Variants in TMOD1 observed in about 807,000 individuals in gnomAD.
The protein encoded by TMOD1 is tropomodulin-1.
TMOD1 carries 17 observed loss-of-function variants against 40.6 expected under a neutral mutation model. The ratio of observed to expected loss-of-function variants is 0.42; its 90% CI spans 0.29 to 0.63. The LOEUF is 0.63. TMOD1 is among the 20% of genes least tolerant of loss of function. The probability of loss-of-function intolerance (pLI) is 0.22; values close to 1 mark genes in which losing one functional copy is unlikely to be tolerated. For missense variants in TMOD1, 391 were observed against 447.6 expected (o/e 0.87, Z 1.14); for synonymous variants, 181 against 175.0 (o/e 1.03, Z -0.27).
intron 8 of TMOD1, among the ~76,000 whole-genome samples, chr9:97,575,203 A>G (rs1337472389): frequency 2.6e-5 from 4 of 152,108 alleles, no homozygotes; most frequent in Admixed American, 2.0e-4. Flanking sequence ...GAGACCACGA[A>G]CCCACTGGGA....
rs531854575 is a variant in TMOD1 at position 97,527,810 on chromosome 9, C to T, written c.120+3502C>T. ...GGGTGAGAGGTGGGAGGCGCTCCCG[C>T]GGGGGAATCTCTGCCATTCCCAGGG... On this transcript the variant is annotated intron_variant, in intron 2 of 9. Transcript: ENST00000259365. Among the ~76,000 whole-genome samples the T allele has an allele frequency of 3.7e-3, 565 of 152,266 alleles. 2 individuals are homozygous for T. Among genetic ancestry groups the T allele is most frequent in the Middle Eastern group, 6.8e-3 (2 of 294 alleles).
intron 1 of TMOD1, among the ~76,000 whole-genome samples, chr9:97,510,602 T>C (rs1385913260): frequency 2.0e-5 from 3 of 152,240 alleles, no homozygotes; most frequent in Non-Finnish European, 2.9e-5. Flanking sequence ...GCTAGGCATT[T>C]ATTCATTCAT....
chr9:97,547,232 A>C (rs1830378858), intron 3 of TMOD1, among the ~76,000 whole-genome samples: 1 of 145,564 alleles, frequency 6.9e-6, no homozygotes, highest in African/African-American at 2.6e-5. Context: ...TATCCCCCTC[A>C]TCCCATTGTT....
intron 2 of TMOD1, among the ~76,000 whole-genome samples, chr9:97,533,340 T>G (rs1056408497): frequency 1.3e-5 from 2 of 152,238 alleles, no homozygotes; most frequent in Admixed American, 6.5e-5. Context: ...TGGTCCTTAA[T>G]AAATGTGAGC....
chr9:97,550,303 G>T (rs1310705898), intron 3 of TMOD1, among the ~76,000 whole-genome samples: 1 of 152,122 alleles, frequency 6.6e-6, no homozygotes, highest in Non-Finnish European at 1.5e-5. Flanking sequence ...TCCACCTTCT[G>T]GCTATTGTGA....
At chr9:97,594,749 G>A (rs1390604600) in intron 9 of TMOD1, among the ~76,000 whole-genome samples, 2 of 152,232 alleles carry the variant, frequency 1.3e-5, no homozygotes, top group Non-Finnish European at 2.9e-5. Flanking sequence ...TGAGTGCAGG[G>A]TGCCAGGGAG....
At chr9:97,586,496 A>T (rs373261153) in intron 8 of TMOD1, among the ~76,000 whole-genome samples, 1 of 151,842 alleles carries the variant, frequency 6.6e-6, no homozygotes, top group Non-Finnish European at 1.5e-5. Context: ...GAGCCTACAG[A>T]GGCAGGCAGG....
chr9:97,534,801 C>T (rs1208016051), intron 2 of TMOD1, among the ~76,000 whole-genome samples: 1 of 152,210 alleles, frequency 6.6e-6, no homozygotes, highest in African/African-American at 2.4e-5. Context: ...CAAGAACTGG[C>T]AAGATGCCTA....
At chr9:97,521,423 A>G (rs1229139464) in intron 1 of TMOD1, among the ~76,000 whole-genome samples, 1 of 152,182 alleles carries the variant, frequency 6.6e-6, no homozygotes, top group African/African-American at 2.4e-5. Flanking sequence ...AGTTCTGGAC[A>G]TCTCTGTGAG....
intron 9 of TMOD1, 95 bp downstream of exon 9, chr9:97,591,530 G>T: frequency 2.2e-6 from 3 of 1,388,552 alleles, no homozygotes; most frequent in Non-Finnish European, 3.0e-6. Context: ...ATGCCTCTCC[G>T]AGTCTTCTTG....
chr9:97,584,060 C>T (rs1465858680), intron 8 of TMOD1, among the ~76,000 whole-genome samples: 1 of 149,840 alleles, frequency 6.7e-6, no homozygotes, highest in Non-Finnish European at 1.5e-5. Context: ...AATGTGTTTG[C>T]TCTTGCTTTT....
chr9:97,556,912 C>T (rs1023363635), intron 4 of TMOD1, among the ~76,000 whole-genome samples: 6 of 152,116 alleles, frequency 3.9e-5, no homozygotes, highest in East Asian at 3.9e-4. Flanking sequence ...CCCCTCTGAA[C>T]GGAGTGGCCT....
At chr9:97,554,209 G>A (rs1345447659) in intron 4 of TMOD1, among the ~76,000 whole-genome samples, 11 of 152,084 alleles carry the variant, frequency 7.2e-5, no homozygotes, top group Admixed American at 7.2e-4. Flanking sequence ...GGAAAGGCTC[G>A]AGGCAGGTGG....
At chr9:97,583,487 C>T (rs1300766729) in intron 8 of TMOD1, among the ~76,000 whole-genome samples, 1 of 151,386 alleles carries the variant, frequency 6.6e-6, no homozygotes, top group Non-Finnish European at 1.5e-5. Context: ...CTCTGCCTGG[C>T]TTTGGTATCA....
intron 8 of TMOD1, among the ~76,000 whole-genome samples, chr9:97,572,294 G>C (rs1017819990): frequency 6.6e-6 from 1 of 152,178 alleles, no homozygotes; most frequent in Non-Finnish European, 1.5e-5. Flanking sequence ...CAGAAAGGGG[G>C]TTAGGAGTCG....
chr9:97,505,507 G>A (rs1232288828), intron 1 of TMOD1, among the ~76,000 whole-genome samples: 1 of 152,190 alleles, frequency 6.6e-6, no homozygotes, highest in Admixed American at 6.5e-5. Flanking sequence ...AAGCAGAACT[G>A]CCTCTGGGCA....
chr9:97,565,473 AG>A (rs1830712564), intron 6 of TMOD1, among the ~76,000 whole-genome samples: 1 of 152,006 alleles, frequency 6.6e-6, no homozygotes, highest in Admixed American at 6.6e-5. Context: ...AGGCTTCCAC[AG>A]AGACACCTAG....
intron 7 of TMOD1, among the ~76,000 whole-genome samples, chr9:97,568,529 G>A (rs2131269839): frequency 1.3e-5 from 2 of 152,282 alleles, no homozygotes; most frequent in Middle Eastern, 6.8e-3. Flanking sequence ...GAAGCAGAAA[G>A]GGAAGGGAAT....
chr9:97,538,578 G>A (rs1830223574), intron 2 of TMOD1, among the ~76,000 whole-genome samples: 1 of 152,168 alleles, frequency 6.6e-6, no homozygotes, highest in Non-Finnish European at 1.5e-5. Flanking sequence ...CACCATGAAA[G>A]TGTACCTTTA....
Sources: allele counts gnomAD v4.1 joint callset (sites outside exome capture counted in the v4.1 genomes callset), GRCh38; gene constraint gnomAD v4.1.1; transcripts MANE v1.5; gene names NCBI Gene and HGNC (gene_info 2026-07-23, HGNC 2026-07-21).